Variants in FIBCD1 observed in about 807,000 individuals in gnomAD.
FIBCD1 encodes fibrinogen C domain containing 1, also known as fibrinogen C domain-containing protein 1.
Under a neutral mutation model 45.1 loss-of-function variants are expected in FIBCD1, and 47 were observed. The ratio of observed to expected loss-of-function variants is 1.04; its 90% CI spans 0.82 to 1.33. FIBCD1 has a LOEUF of 1.33. Ranked by LOEUF, FIBCD1 falls within the 40% of genes most tolerant of loss-of-function variation. FIBCD1 has a pLI of 0.00. For missense variants in FIBCD1, 653 were observed against 682.2 expected (o/e 0.96, Z 0.48); for synonymous variants, 313 against 308.1 (o/e 1.02, Z -0.17).
chr9:130,919,162 C>A (rs571896561), intron 4 of FIBCD1, among the ~76,000 whole-genome samples: 1 of 152,356 alleles, frequency 6.6e-6, no homozygotes, highest in East Asian at 1.9e-4. Context: ...GTGCATTGTC[C>A]TGTTTCTGTT....
chr9:130,912,910 C>T lies in FIBCD1; in HGVS notation c.850-1022G>A, dbSNP rs1204922882. ...CACCCCCCACACACCCCAGGCTTGG[C>T]CTCCAGAGCCCTGTCCCTCAATAAG... On this transcript the variant is annotated intron_variant, in intron 4 of 6. Transcript: ENST00000372338. Among the ~76,000 whole-genome samples the T allele has an allele frequency of 3.3e-5, 5 of 152,224 alleles. No individual in the cohort carries two copies. The South Asian group carries it at 8.3e-4, about 25-fold the overall frequency.
At chr9:130,930,385 C>G (rs1003293738) in intron 1 of FIBCD1, among the ~76,000 whole-genome samples, 13 of 144,050 alleles carry the variant, frequency 9.0e-5, no homozygotes, top group African/African-American at 3.4e-4. Flanking sequence ...CAGGGAGATG[C>G]GGGGAGACAT....
chr9:130,930,061 G>C lies in FIBCD1; in HGVS notation c.73-15C>G. 1 of 1,499,256 alleles carries C rather than the reference G, an allele frequency of 6.7e-7. No homozygotes were observed. Among genetic ancestry groups the C allele is most frequent in the South Asian group, 1.3e-5 (1 of 74,302 alleles). 92.9% of individuals were successfully genotyped at this position (1,499,256 alleles called of 1,614,324 possible). ...CAGCTCGGCCGCTGCAGGCCCGCCC[G>C]GGACGCACAGACACAGACAGACAGA... is the stretch of plus-strand genomic sequence containing the variant. On this transcript the variant is annotated splice_polypyrimidine_tract_variant and intron_variant, in intron 1 of 6. Coordinates refer to ENST00000372338, the MANE Select transcript of FIBCD1 (RefSeq NM_032843.5).
intron 1 of FIBCD1, among the ~76,000 whole-genome samples, chr9:130,932,042 C>T (rs1375510960): frequency 6.6e-6 from 1 of 152,212 alleles, no homozygotes; most frequent in African/African-American, 2.4e-5. Flanking sequence ...TTCTGTGTGT[C>T]GTCAATGCTG....
Position 130,908,953 on chromosome 9 carries a change from G to A in FIBCD1, c.946+2839C>T, listed in dbSNP as rs529836451. Among the ~76,000 whole-genome samples the A allele has an allele frequency of 3.8e-4, 57 of 151,972 alleles. No homozygotes were observed. The South Asian group carries it at 0.01, about 27-fold the overall frequency. On this transcript the variant is annotated intron_variant, in intron 5 of 6. Transcript: ENST00000372338. ...CCCCAACCCTGCCTTTGGGGCCCCC[G>A]ACCCCCCATCTTCCAGGGGTGTCAC...
chr9:130,927,993 T>G (rs1832386393), intron 2 of FIBCD1, among the ~76,000 whole-genome samples: 1 of 152,176 alleles, frequency 6.6e-6, no homozygotes, highest in Non-Finnish European at 1.5e-5. Context: ...CCTCTGGCGA[T>G]TCCAACCCAG....
At chr9:130,907,311 C>A (rs927833458) in intron 5 of FIBCD1, among the ~76,000 whole-genome samples, 2 of 152,162 alleles carry the variant, frequency 1.3e-5, no homozygotes, top group Admixed American at 6.5e-5. Context: ...TTCCTCCAGT[C>A]CACGCCACCT....
chr9:130,904,662 G>A (rs967016316), intron 6 of FIBCD1, among the ~76,000 whole-genome samples: 2 of 152,326 alleles, frequency 1.3e-5, no homozygotes, highest in African/African-American at 4.8e-5. Context: ...GCCCAGGGGG[G>A]TCCAGCCACC....
Position 130,911,811 on chromosome 9 carries a change from G to C in FIBCD1, c.927C>G (p.Leu309=), listed in dbSNP as rs1297101206. The change falls in exon 5 of 7, where the codon CTC becomes CTG. Residue 309 remains leucine, a synonymous_variant. Coordinates refer to ENST00000372338, the MANE Select transcript of FIBCD1 (RefSeq NM_032843.5). ...WDAYRDGFGR[L]TGEHWLGLKR... ...GCTCACCTAGCCAGTGCTCCCCGGT[G>C]AGCCTGCCAAAGCCGTCTCGGTACG... 1.2e-6 allele frequency: 2 copies of C among 1,603,630 alleles called. No homozygotes were observed. Among genetic ancestry groups the C allele is most frequent in the Non-Finnish European group, 1.7e-6 (2 of 1,175,974 alleles).
intron 4 of FIBCD1, among the ~76,000 whole-genome samples, chr9:130,913,859 GCCGTC>G (rs1278910059): frequency 6.6e-6 from 1 of 152,188 alleles, no homozygotes; most frequent in East Asian, 1.9e-4. Context: ...GCTGGCATTG[GCCGTC>G]GGCTGGGCCT....
chr9:130,919,977 G>C (rs1259601719), intron 4 of FIBCD1, among the ~76,000 whole-genome samples: 1 of 152,176 alleles, frequency 6.6e-6, no homozygotes, highest in African/African-American at 2.4e-5. Flanking sequence ...GGGCAGGGAG[G>C]CTGGGTGGGG....
upstream of FIBCD1, among the ~76,000 whole-genome samples, chr9:130,939,903 G>C (rs1353228547): frequency 1.3e-5 from 2 of 151,576 alleles, no homozygotes; most frequent in African/African-American, 4.9e-5. Flanking sequence ...ACTGCCCGAC[G>C]CCGCGCTCCC....
chr9:130,918,318 G>C (rs1342928467), intron 4 of FIBCD1, among the ~76,000 whole-genome samples: 3 of 152,092 alleles, frequency 2.0e-5, no homozygotes, highest in Non-Finnish European at 4.4e-5. Flanking sequence ...TGGCTGAATG[G>C]AACATTAAGC....
intron 4 of FIBCD1, 92 bp from the exon 5 acceptor site, chr9:130,911,980 C>G: frequency 8.3e-7 from 1 of 1,206,792 alleles, no homozygotes; most frequent in Non-Finnish European, 1.2e-6. Flanking sequence ...ACTCCCCTCA[C>G]CCTGCTCCCA....
At chr9:130,938,437 C>G in intron 1 of FIBCD1, 99 bp downstream of exon 1, 3 of 1,069,404 alleles carry the variant, frequency 2.8e-6, no homozygotes, top group Non-Finnish European at 3.7e-6. Context: ...AGGGGTGCGC[C>G]CCAAACTCCA....
intron 5 of FIBCD1, among the ~76,000 whole-genome samples, chr9:130,908,868 T>G (rs1465633421): frequency 2.6e-5 from 4 of 152,058 alleles, no homozygotes; most frequent in Non-Finnish European, 5.9e-5. Flanking sequence ...GGAGGGGGCA[T>G]GGGTGGCAGA....
At chr9:130,915,573 G>T (rs1007512795) in intron 4 of FIBCD1, among the ~76,000 whole-genome samples, 4 of 152,148 alleles carry the variant, frequency 2.6e-5, no homozygotes, top group Non-Finnish European at 5.9e-5. Flanking sequence ...CATAGTGGCA[G>T]GTGCCTGTAG....
intron 1 of FIBCD1, chr9:130,938,188 CG>C (rs2133131391): frequency 4.3e-6 from 1 of 230,816 alleles, no homozygotes; most frequent in East Asian, 1.0e-4. Flanking sequence ...GGTGAGGAAA[CG>C]GAGACTCAGC....
Position 130,938,630 on chromosome 9 carries a change from C to T in FIBCD1, c.-23G>A. On this transcript the variant is annotated 5_prime_UTR_variant, in exon 1 of 7. Coordinates refer to ENST00000372338, the MANE Select transcript of FIBCD1 (RefSeq NM_032843.5). The stretch of plus-strand genomic sequence containing the variant: ...CATCTTCCGGCAGGACTGGCGGGGG[C>T]GCCGGGCGAGGCGCGCCGCTGCGGA... 7.1e-7 allele frequency: 1 copy of T among 1,410,954 alleles called. No homozygotes were observed. Among genetic ancestry groups the T allele is most frequent in the Non-Finnish European group, 9.3e-7 (1 of 1,079,660 alleles). The allele number at this position is 1,410,954 out of a possible 1,614,324, so 87.4% of individuals were successfully genotyped here.
Sources: allele counts gnomAD v4.1 joint callset (sites outside exome capture counted in the v4.1 genomes callset), GRCh38; gene constraint gnomAD v4.1.1; transcripts MANE v1.5; gene names NCBI Gene and HGNC (gene_info 2026-07-23, HGNC 2026-07-21).